The following DCC variants were observed in gnomAD, a reference collection of about 807,000 sequenced individuals.
DCC encodes netrin receptor DCC.
Under a neutral mutation model 172.5 loss-of-function variants are expected in DCC, and 58 were observed. The observed-to-expected ratio is 0.34, with a 90% CI of 0.27 to 0.42. The LOEUF is 0.42. DCC is among the 10% of genes least tolerant of loss of function. DCC has a pLI of 1.00. For missense variants in DCC, 1,740 were observed against 1,791.0 expected, an observed-to-expected ratio of 0.97 and a Z score of 0.51; for synonymous variants, 709 against 644.5, an observed-to-expected ratio of 1.10 and a Z score of -1.52.
At chr18:53,045,963 A>T (rs1403839094) in intron 5 of DCC, among the ~76,000 whole-genome samples, 1 of 151,856 alleles carries the variant, frequency 6.6e-6, no homozygotes, top group Non-Finnish European at 1.5e-5. Context: ...GTGAGATTTT[A>T]TGAATCTAAC....
At chr18:53,007,117 T>G (rs2041658254) in intron 5 of DCC, among the ~76,000 whole-genome samples, 1 of 152,080 alleles carries the variant, frequency 6.6e-6, no homozygotes. Context: ...GAAGTTTGTA[T>G]GTACTCCAAG....
intron 13 of DCC, among the ~76,000 whole-genome samples, chr18:53,306,363 C>A (rs2144784815): frequency 6.6e-6 from 1 of 152,292 alleles, no homozygotes; most frequent in African/African-American, 2.4e-5. Context: ...TGAGGCGAGG[C>A]TTTCAACGTA....
At chr18:52,650,421 A>G (rs1404596194) in intron 1 of DCC, among the ~76,000 whole-genome samples, 1 of 152,150 alleles carries the variant, frequency 6.6e-6, no homozygotes, top group Non-Finnish European at 1.5e-5. Flanking sequence ...GGTGATGGTT[A>G]CACTAAAAGC....
intron 1 of DCC, among the ~76,000 whole-genome samples, chr18:52,477,092 C>T (rs1989115865): frequency 6.6e-6 from 1 of 152,150 alleles, no homozygotes; most frequent in Admixed American, 6.5e-5. Context: ...GCTCCCTCTG[C>T]AGGACGGATT....
At chr18:52,649,666 T>C (rs1389292784) in intron 1 of DCC, among the ~76,000 whole-genome samples, 1 of 152,180 alleles carries the variant, frequency 6.6e-6, no homozygotes, top group Non-Finnish European at 1.5e-5. Flanking sequence ...AATGTAGTAT[T>C]GACTTTCTGA....
intron 1 of DCC, among the ~76,000 whole-genome samples, chr18:52,395,878 C>A (rs1456995315): frequency 2.0e-5 from 3 of 152,012 alleles, no homozygotes; most frequent in African/African-American, 7.2e-5. Flanking sequence ...CAGAGCTCAA[C>A]CTATTCCACA....
Position 52,967,927 on chromosome 18 carries a change from C to T in DCC, c.985+42557C>T, listed in dbSNP as rs149847623. ...TATATGCCTATGTAGTTATTTAATG[C>T]ATCTTAACTTGAGATTTTAGACGCA... is the stretch of plus-strand genomic sequence containing the variant. On this transcript the variant is annotated intron_variant, in intron 5 of 28. Transcript: ENST00000442544. Among the ~76,000 whole-genome samples, 1,461 of 152,186 alleles carry T rather than the reference C, an allele frequency of 9.6e-3. 29 individuals carry two copies. The highest frequency in any genetic ancestry group is 0.034 in the African/African-American group (1,408 of 41,522).
intron 1 of DCC, among the ~76,000 whole-genome samples, chr18:52,366,162 A>G (rs183451701): frequency 3.9e-5 from 6 of 152,274 alleles, no homozygotes; most frequent in Admixed American, 6.5e-5. Flanking sequence ...CTTTCCTCCT[A>G]TAAACATCTA....
chr18:52,707,468 C>G (rs1249393648), intron 1 of DCC, among the ~76,000 whole-genome samples: 1 of 152,142 alleles, frequency 6.6e-6, no homozygotes, highest in Non-Finnish European at 1.5e-5. Context: ...GAATTAAAAA[C>G]AGAACTATCA....
At chr18:53,271,751 T>C (rs548738555) in intron 12 of DCC, among the ~76,000 whole-genome samples, 2 of 151,994 alleles carry the variant, frequency 1.3e-5, no homozygotes, top group African/African-American at 4.8e-5. Flanking sequence ...GGTCCAGCCA[T>C]GGGGAGGGGA....
chr18:52,467,314 G>A (rs1380993807), intron 1 of DCC, among the ~76,000 whole-genome samples: 1 of 151,980 alleles, frequency 6.6e-6, no homozygotes, highest in Non-Finnish European at 1.5e-5. Context: ...TTCTGTTCCT[G>A]TGTTAGTTTG....
chr18:52,362,480 T>C (rs1984660992), intron 1 of DCC, among the ~76,000 whole-genome samples: 1 of 152,212 alleles, frequency 6.6e-6, no homozygotes, highest in Non-Finnish European at 1.5e-5. Context: ...CTGTCCAATT[T>C]GCATCAAGTA....
At chr18:53,239,240 C>G (rs74759921) in intron 12 of DCC, among the ~76,000 whole-genome samples, 8 of 141,502 alleles carry the variant, frequency 5.7e-5, no homozygotes, top group African/African-American at 2.1e-4. Flanking sequence ...AAAAAAAAAA[C>G]TCCAGCAAAG....
Position 52,692,918 on chromosome 18 carries a change from G to A in DCC, c.92-59136G>A, listed in dbSNP as rs1599023441. On this transcript the variant is annotated intron_variant, in intron 1 of 28. Coordinates refer to ENST00000442544, the MANE Select transcript of DCC (RefSeq NM_005215.4). Reference sequence around the variant, plus strand: ...CATAATAAGCATGGCTGAAGAAAAAGTACAGTCATTAGAAAGAAATGTACC... The same window carrying A: ...CATAATAAGCATGGCTGAAGAAAAAATACAGTCATTAGAAAGAAATGTACC... 3.9e-5 allele frequency among the ~76,000 whole-genome samples: 6 copies of A among 152,204 alleles called. No individual in the cohort carries two copies. The Middle Eastern group carries it at 0.017, about 431-fold the overall frequency.
intron 7 of DCC, among the ~76,000 whole-genome samples, chr18:53,090,996 G>A (rs189525340): frequency 6.6e-6 from 1 of 152,104 alleles, no homozygotes; most frequent in Admixed American, 6.5e-5. Context: ...GTAACAGAGT[G>A]TCAGGAGTTG....
chr18:53,074,378 T>G (rs2042696899), intron 7 of DCC, among the ~76,000 whole-genome samples: 1 of 152,176 alleles, frequency 6.6e-6, no homozygotes, highest in African/African-American at 2.4e-5. Flanking sequence ...TTGGTCCAAA[T>G]GCATAAAAGT....
chr18:52,600,073 CT>C (rs1445971466), intron 1 of DCC, among the ~76,000 whole-genome samples: 2 of 152,142 alleles, frequency 1.3e-5, no homozygotes, highest in African/African-American at 4.8e-5. Context: ...AAATCCTTTT[CT>C]TTCAAATAGT....
At chr18:52,888,008 T>G (rs1004093743) in intron 2 of DCC, among the ~76,000 whole-genome samples, 4 of 152,220 alleles carry the variant, frequency 2.6e-5, no homozygotes, top group Admixed American at 1.3e-4. Flanking sequence ...TTAGTAAAAT[T>G]AGCCTTTATC....
chr18:53,069,511 G>A (rs1045088375), intron 7 of DCC, among the ~76,000 whole-genome samples: 1 of 152,022 alleles, frequency 6.6e-6, no homozygotes, highest in African/African-American at 2.4e-5. Flanking sequence ...GAGCTAGGAG[G>A]GTGGCGCAGG....
Sources: allele counts gnomAD v4.1 joint callset (sites outside exome capture counted in the v4.1 genomes callset), GRCh38; gene constraint gnomAD v4.1.1; transcripts MANE v1.5; gene names NCBI Gene and HGNC (gene_info 2026-07-23, HGNC 2026-07-21).